DCAF6: variants seen among roughly 807,000 people sequenced by gnomAD.
The protein encoded by DCAF6 is DDB1 and CUL4 associated factor 6.
A neutral mutation model predicts 125.1 loss-of-function variants in DCAF6; 54 were observed. The ratio of observed to expected loss-of-function variants is 0.43; its 90% CI spans 0.35 to 0.54. DCAF6 has a LOEUF of 0.54. Among genes scored for constraint, DCAF6 ranks in the 20% least tolerant of loss-of-function variants. The pLI, the probability that DCAF6 is intolerant of heterozygous loss-of-function variation, is 0.01. For synonymous variants in DCAF6, 371 were observed against 390.4 expected, an observed-to-expected ratio of 0.95 and a Z score of 0.58; for missense variants, 934 against 1,161.7, an observed-to-expected ratio of 0.80 and a Z score of 2.85.
intron 4 of DCAF6, among the ~76,000 whole-genome samples, chr1:167,984,941 T>A (rs973881415): frequency 1.3e-5 from 2 of 152,274 alleles, no homozygotes; most frequent in East Asian, 3.9e-4. Flanking sequence ...CTGGGAGGCC[T>A]CACAATCATG....
the DCAF6 span, chr1:167,870,236 C>A: frequency 2.5e-6 from 4 of 1,613,762 alleles, no homozygotes; most frequent in Non-Finnish European, 3.4e-6. Flanking sequence ...TCACACAGAA[C>A]AATCATTCCA....
intron 21 of DCAF6, among the ~76,000 whole-genome samples, chr1:168,070,331 A>C (rs990093301): frequency 1.3e-5 from 2 of 151,894 alleles, no homozygotes; most frequent in African/African-American, 4.8e-5. Context: ...TTAGTCAACC[A>C]CTCTTTTTCT....
intron 7 of DCAF6, among the ~76,000 whole-genome samples, chr1:168,002,267 A>C (rs878944125): frequency 6.6e-6 from 1 of 152,210 alleles, no homozygotes; most frequent in African/African-American, 2.4e-5. Context: ...TGAAGATATT[A>C]GATATAGGCT....
intron 2 of DCAF6, among the ~76,000 whole-genome samples, chr1:167,959,542 C>G (rs1675268500): frequency 6.6e-6 from 1 of 152,210 alleles, no homozygotes; most frequent in African/African-American, 2.4e-5. Flanking sequence ...GTTCCTGATG[C>G]TCCACATCCT....
the DCAF6 span, chr1:167,878,776 G>T: frequency 1.2e-6 from 1 of 862,302 alleles, no homozygotes; most frequent in Non-Finnish European, 1.8e-6. Context: ...CTAGTCTCAA[G>T]ACCCATATTC....
At position 167,955,815 on chromosome 1, in the gene DCAF6, C is replaced by T. The variant is rs147291552; in HGVS notation, c.159+3954C>T. 2.1e-3 allele frequency among the ~76,000 whole-genome samples: 319 copies of T among 152,258 alleles called. 2 individuals carry two copies. The highest frequency in any genetic ancestry group is 7.2e-3 in the African/African-American group (298 of 41,532). On this transcript the variant is annotated intron_variant, in intron 2 of 21. Transcript: ENST00000367840. ...TCCCTCTGTTTCCCAGATTGGAGTGCAGTGGCACAATCATAGCTCACTATA... is the reference window on the plus strand; with the variant it reads ...TCCCTCTGTTTCCCAGATTGGAGTGTAGTGGCACAATCATAGCTCACTATA...
At chr1:167,889,597 T>C in the DCAF6 span, among the ~76,000 whole-genome samples, 2 of 152,158 alleles carry the variant, frequency 1.3e-5, no homozygotes, top group African/African-American at 4.8e-5. Flanking sequence ...GTAGAATGAG[T>C]TTGGAAGTAT....
chr1:167,908,629 A>G, the DCAF6 span, among the ~76,000 whole-genome samples: 1 of 152,230 alleles, frequency 6.6e-6, no homozygotes, highest in African/African-American at 2.4e-5. Flanking sequence ...TAATGTATAC[A>G]TATATTAAAA....
At chr1:167,884,677 T>C in the DCAF6 span, among the ~76,000 whole-genome samples, 3 of 150,212 alleles carry the variant, frequency 2.0e-5, no homozygotes, top group Non-Finnish European at 4.4e-5. Context: ...TCTACCCCCA[T>C]GAGTTCAATC....
intron 21 of DCAF6, among the ~76,000 whole-genome samples, chr1:168,074,003 T>A (rs1176981827): frequency 6.7e-6 from 1 of 149,270 alleles, no homozygotes; most frequent in Non-Finnish European, 1.5e-5. Context: ...CAAAATAAGA[T>A]TTGAATAGAC....
the DCAF6 span, chr1:167,918,016 G>C: frequency 4.4e-6 from 1 of 225,318 alleles, no homozygotes; most frequent in Admixed American, 5.4e-5. Context: ...TTGAATTTGT[G>C]TGTTCTTTTA....
At chr1:167,900,332 T>C in the DCAF6 span, among the ~76,000 whole-genome samples, 1,067 of 152,274 alleles carry the variant, frequency 7.0e-3, 5 homozygotes, top group Admixed American at 0.014. Context: ...GTTTTCTATC[T>C]GAAACACACT....
chr1:167,866,508 C>T, the DCAF6 span, among the ~76,000 whole-genome samples: 7 of 132,642 alleles, frequency 5.3e-5, no homozygotes, highest in African/African-American at 1.1e-4. Flanking sequence ...CCTGACCTGA[C>T]GAAAGTGCAC....
chr1:168,005,175 A>C (rs1407807395), intron 10 of DCAF6, among the ~76,000 whole-genome samples: 1 of 152,040 alleles, frequency 6.6e-6, no homozygotes, highest in Non-Finnish European at 1.5e-5. Context: ...TATTAGTTTC[A>C]CTTTGCTTAT....
chr1:167,947,919 T>G (rs1476122292), intron 1 of DCAF6, among the ~76,000 whole-genome samples: 1 of 152,224 alleles, frequency 6.6e-6, no homozygotes, highest in Non-Finnish European at 1.5e-5. Context: ...CCAGTGTTTC[T>G]TTGCTGATTC....
chr1:168,030,234 G>A (rs556040508), intron 12 of DCAF6, among the ~76,000 whole-genome samples: 22 of 152,272 alleles, frequency 1.4e-4, no homozygotes, highest in African/African-American at 5.3e-4. Flanking sequence ...GGCCAAATAA[G>A]GCATCCCTGA....
intron 11 of DCAF6, among the ~76,000 whole-genome samples, chr1:168,018,939 T>C (rs896658062): frequency 3.3e-5 from 5 of 152,212 alleles, no homozygotes; most frequent in Non-Finnish European, 7.3e-5. Context: ...ATTTAGATAG[T>C]GTAGCTTGCT....
At chr1:167,951,364 G>A (rs1673911357) in intron 1 of DCAF6, among the ~76,000 whole-genome samples, 1 of 152,060 alleles carries the variant, frequency 6.6e-6, no homozygotes, top group African/African-American at 2.4e-5. Context: ...CAGTTGAGGT[G>A]AGGAGTTTGA....
At chr1:167,958,345 G>GTT (rs1002502461) in intron 2 of DCAF6, among the ~76,000 whole-genome samples, 1 of 126,698 alleles carries the variant, frequency 7.9e-6, no homozygotes, top group Non-Finnish European at 1.7e-5. Flanking sequence ...GTTTTTTTTT[G>GTT]TTTTTTTTTT....
Sources: gnomAD v4.1 joint callset for allele counts (sites outside exome capture counted in the v4.1 genomes callset) on GRCh38, gnomAD v4.1.1 for gene constraint, MANE v1.5 for transcripts, NCBI Gene and HGNC (gene_info 2026-07-23, HGNC 2026-07-21) for gene names.